Variants in MICU1 observed in about 807,000 individuals in gnomAD.
MICU1 encodes calcium uptake protein 1, mitochondrial.
Under a neutral mutation model 56.8 loss-of-function variants are expected in MICU1, and 45 were observed. The ratio of observed to expected loss-of-function variants is 0.79; its 90% CI spans 0.62 to 1.02. MICU1 has a LOEUF of 1.02. Among genes scored for constraint, MICU1 ranks in the 50% least tolerant of loss-of-function variants. The pLI is 0.00. For missense variants in MICU1, 504 were observed against 587.1 expected, an observed-to-expected ratio of 0.86 and a Z score of 1.46; for synonymous variants, 186 against 195.1, an observed-to-expected ratio of 0.95 and a Z score of 0.39.
chr10:72,487,639 G>C (rs927811910), intron 6 of MICU1, among the ~76,000 whole-genome samples: 6 of 152,142 alleles, frequency 3.9e-5, no homozygotes, highest in African/African-American at 1.4e-4. Flanking sequence ...TCTTCTGAAG[G>C]AGAATGATAA....
intron 1 of MICU1, among the ~76,000 whole-genome samples, chr10:72,607,481 T>C (rs1841722997): frequency 6.6e-6 from 1 of 150,886 alleles, no homozygotes; most frequent in South Asian, 2.1e-4. Flanking sequence ...TCTACTAAAA[T>C]ACAAAAAATT....
chr10:72,513,188 C>G (rs1050329335), intron 5 of MICU1, among the ~76,000 whole-genome samples: 4 of 152,132 alleles, frequency 2.6e-5, no homozygotes, highest in Admixed American at 6.5e-5. Flanking sequence ...AAGAGGATTC[C>G]ACATTCTCCA....
chr10:72,554,270 A>T (rs1402306176), intron 3 of MICU1, among the ~76,000 whole-genome samples: 1 of 152,208 alleles, frequency 6.6e-6, no homozygotes, highest in Non-Finnish European at 1.5e-5. Flanking sequence ...ACTTCAATGA[A>T]TTAACAGATA....
At chr10:72,452,942 T>C (rs1377062351) in intron 8 of MICU1, among the ~76,000 whole-genome samples, 1 of 151,908 alleles carries the variant, frequency 6.6e-6, no homozygotes, top group Non-Finnish European at 1.5e-5. Context: ...CTTTTTCAGA[T>C]GACCTCTATA....
At chr10:72,625,164 A>G (rs963029547) in intron 1 of MICU1, among the ~76,000 whole-genome samples, 1 of 152,214 alleles carries the variant, frequency 6.6e-6, no homozygotes, top group African/African-American at 2.4e-5. Context: ...AGAAACATTT[A>G]TTGATAAATA....
chr10:72,609,507 G>C (rs1286852783), intron 1 of MICU1, among the ~76,000 whole-genome samples: 1 of 152,066 alleles, frequency 6.6e-6, no homozygotes, highest in Non-Finnish European at 1.5e-5. Flanking sequence ...GGCCGAGGCG[G>C]GCAGATCACG....
Position 72,423,350 on chromosome 10 carries a change from C to G in MICU1, c.955G>C (p.Asp319His). The G allele has an allele frequency of 1.9e-6, 3 of 1,613,834 alleles. No individual in the cohort carries two copies. Among genetic ancestry groups the G allele is most frequent in the Non-Finnish European group, 2.5e-6 (3 of 1,179,826 alleles). Residue 319 changes from aspartate (D) to histidine (H), a missense_variant, in exon 9 of 12, where the codon GAT becomes CAT. Asp to His is a moderately conservative substitution (Grantham distance 81). Transcript: ENST00000361114. ...AACTGCCTCTCAGTAATTCTCCCAT[C>G]CACAGGGTCATGGCGTTCAAACTGG... ...KLEFERHDPV[D>H]GRITERQFGG... is the part of the protein sequence containing the mutation.
intron 10 of MICU1, among the ~76,000 whole-genome samples, chr10:72,395,152 C>T (rs1022400134): frequency 2.6e-5 from 4 of 152,098 alleles, no homozygotes; most frequent in African/African-American, 9.7e-5. Context: ...ACACTCCAGC[C>T]TGGGCAATAG....
In MICU1 at chr10:72,459,487, T is replaced by A. The variant is rs189073683; in HGVS notation, c.933+15613A>T. Among the ~76,000 whole-genome samples, 23 of 152,318 alleles carry A rather than the reference T, an allele frequency of 1.5e-4. No homozygotes were observed. In the East Asian group the frequency reaches 4.2e-3, roughly 28 times the overall value. ...CTCACCAATACCAGCAGTTTCCTGTTTTTTTACCCTTGTGCTTCACGTCCT... is the reference window on the plus strand; with the variant it reads ...CTCACCAATACCAGCAGTTTCCTGTATTTTTACCCTTGTGCTTCACGTCCT... On this transcript the variant is annotated intron_variant, in intron 8 of 11. Transcript: ENST00000361114.
chr10:72,405,493 T>C (rs762019495), intron 10 of MICU1, among the ~76,000 whole-genome samples: 11 of 150,812 alleles, frequency 7.3e-5, no homozygotes, highest in South Asian at 2.1e-4. Flanking sequence ...AGTGCTGGGA[T>C]AACAGGTGTG....
intron 1 of MICU1, among the ~76,000 whole-genome samples, chr10:72,593,597 GA>G (rs1199666643): frequency 1.3e-5 from 2 of 150,992 alleles, no homozygotes; most frequent in African/African-American, 4.9e-5. Flanking sequence ...CTTCACAGAC[GA>G]CATGATCTTA....
At chr10:72,420,269 C>T (rs1305564269) in intron 9 of MICU1, among the ~76,000 whole-genome samples, 1 of 152,144 alleles carries the variant, frequency 6.6e-6, no homozygotes, top group Non-Finnish European at 1.5e-5. Context: ...CCATGTTGGT[C>T]AGGCTGGTCT....
At chr10:72,614,092 G>T (rs1841921456) in intron 1 of MICU1, among the ~76,000 whole-genome samples, 2 of 152,052 alleles carry the variant, frequency 1.3e-5, no homozygotes, top group East Asian at 3.8e-4. Context: ...GCAGTGAGCT[G>T]AGATTACACC....
At chr10:72,612,074 T>G (rs112043084) in intron 1 of MICU1, among the ~76,000 whole-genome samples, 1 of 151,604 alleles carries the variant, frequency 6.6e-6, no homozygotes, top group Admixed American at 6.6e-5. Context: ...GAAACCAGAT[T>G]TGGTAACTCC....
intron 10 of MICU1, among the ~76,000 whole-genome samples, chr10:72,401,320 A>T (rs890862054): frequency 5.9e-5 from 9 of 152,218 alleles, no homozygotes; most frequent in African/African-American, 2.2e-4. Context: ...ACATATGTAT[A>T]TACTGTGAAA....
Position 72,530,372 on chromosome 10 carries a change from A to AATAATAATAATAATAATAATAATG in MICU1, c.537+3373_537+3374insCATTATTATTATTATTATTATTAT, listed in dbSNP as rs538954555. Among the ~76,000 whole-genome samples the AATAATAATAATAATAATAATAATG allele has an allele frequency of 1.2e-3, 174 of 143,976 alleles. 2 individuals are homozygous for AATAATAATAATAATAATAATAATG. The highest frequency in any genetic ancestry group is 7.2e-3 in the Middle Eastern group (2 of 276). 94.5% of individuals were successfully genotyped at this position (143,976 alleles called of 152,430 possible). On this transcript the variant is annotated intron_variant, in intron 5 of 11. Transcript: ENST00000361114. ...TAATAATAATAATAATAATAATAAT[A>AATAATAATAATAATAATAATAATG]ATGCCAGAATATATTTTGTATTACC...
intron 5 of MICU1, among the ~76,000 whole-genome samples, chr10:72,532,549 AG>A (rs914316069): frequency 6.6e-5 from 10 of 152,324 alleles, no homozygotes; most frequent in Middle Eastern, 6.8e-3. Context: ...GAAGTGTTGC[AG>A]TAAGTCCTCA....
At chr10:72,401,378 G>T (rs184902224) in intron 10 of MICU1, among the ~76,000 whole-genome samples, 2 of 152,314 alleles carry the variant, frequency 1.3e-5, no homozygotes, top group African/African-American at 4.8e-5. Flanking sequence ...TTCAGGCCAG[G>T]TGCGGTGGCT....
chr10:72,368,667 G>A (rs1413560663), intron 11 of MICU1, among the ~76,000 whole-genome samples: 1 of 152,180 alleles, frequency 6.6e-6, no homozygotes, highest in Non-Finnish European at 1.5e-5. Flanking sequence ...CAGGCTGTAG[G>A]AGAGACAAAT....
Sources: allele counts gnomAD v4.1 joint callset (sites outside exome capture counted in the v4.1 genomes callset), GRCh38; gene constraint gnomAD v4.1.1; transcripts MANE v1.5; gene names NCBI Gene and HGNC (gene_info 2026-07-23, HGNC 2026-07-21).